The following ITCH variants were observed in gnomAD, a reference collection of about 807,000 sequenced individuals.
The protein encoded by ITCH is E3 ubiquitin-protein ligase Itchy homolog.
A neutral mutation model predicts 126.8 loss-of-function variants in ITCH; 28 were observed. That is an observed-to-expected ratio of 0.22 (90% confidence interval 0.16 to 0.30). The LOEUF (loss-of-function observed/expected upper bound fraction) is 0.30, where lower values mean the gene tolerates loss of function less well. ITCH is among the 10% of genes least tolerant of loss of function. ITCH has a pLI of 1.00. For missense variants in ITCH, 631 were observed against 1,032.4 expected, an observed-to-expected ratio of 0.61 and a Z score of 5.33; for synonymous variants, 342 against 340.0, an observed-to-expected ratio of 1.01 and a Z score of -0.06.
intron 2 of ITCH, among the ~76,000 whole-genome samples, chr20:34,370,314 A>G (rs1307066373): frequency 6.6e-6 from 1 of 152,056 alleles, no homozygotes; most frequent in African/African-American, 2.4e-5. Context: ...GTGTGGATCA[A>G]ATAAAATAAT....
At chr20:34,402,997 T>A (rs767488189) in intron 3 of ITCH, among the ~76,000 whole-genome samples, 2 of 152,126 alleles carry the variant, frequency 1.3e-5, no homozygotes, top group Non-Finnish European at 2.9e-5. Context: ...ACCAAAAAGA[T>A]CCCTTATACT....
At chr20:34,442,842 G>A (rs759606860) in intron 10 of ITCH, among the ~76,000 whole-genome samples, 1 of 151,424 alleles carries the variant, frequency 6.6e-6, no homozygotes, top group Non-Finnish European at 1.5e-5. Flanking sequence ...CAGGCATGGT[G>A]GCGGGCACCT....
chr20:34,466,705 A>C (rs1415781818), intron 14 of ITCH, among the ~76,000 whole-genome samples: 1 of 152,212 alleles, frequency 6.6e-6, no homozygotes, highest in Non-Finnish European at 1.5e-5. Flanking sequence ...TTGCTCAAAA[A>C]AGAAGTTACA....
chr20:34,433,387 A>G (rs1982585544), intron 7 of ITCH, among the ~76,000 whole-genome samples: 1 of 152,242 alleles, frequency 6.6e-6, no homozygotes, highest in Admixed American at 6.5e-5. Context: ...TCTAAAAGAA[A>G]TAAGAAATCC....
intron 16 of ITCH, chr20:34,476,407 C>A: frequency 8.1e-7 from 1 of 1,237,742 alleles, no homozygotes; most frequent in South Asian, 3.6e-5. Context: ...GTGCAGCCAC[C>A]GGCCGGCCGG....
chr20:34,424,203 A>G (rs978248764), intron 6 of ITCH, among the ~76,000 whole-genome samples: 4 of 152,220 alleles, frequency 2.6e-5, no homozygotes, highest in African/African-American at 9.6e-5. Flanking sequence ...ATTTCAAAAA[A>G]AAGGCAGGAA....
chr20:34,378,330 G>A (rs1371279164), intron 2 of ITCH, among the ~76,000 whole-genome samples: 4 of 151,820 alleles, frequency 2.6e-5, no homozygotes, highest in South Asian at 2.1e-4. Context: ...AAAATTAGCC[G>A]GGTGGGGTGG....
intron 2 of ITCH, among the ~76,000 whole-genome samples, chr20:34,370,063 C>T (rs1342685630): frequency 2.0e-5 from 3 of 150,330 alleles, no homozygotes; most frequent in South Asian, 2.1e-4. Flanking sequence ...ATGATCACGC[C>T]ACTGCACTCC....
At chr20:34,501,568 G>A (rs1371230242) in intron 23 of ITCH, among the ~76,000 whole-genome samples, 2 of 152,180 alleles carry the variant, frequency 1.3e-5, no homozygotes, top group East Asian at 3.9e-4. Context: ...CTGAGGTTGG[G>A]AGTTCGAGAC....
intron 12 of ITCH, among the ~76,000 whole-genome samples, chr20:34,453,935 A>G (rs991304729): frequency 6.6e-6 from 1 of 151,698 alleles, no homozygotes; most frequent in African/African-American, 2.4e-5. Flanking sequence ...TCGAGGCTGC[A>G]GTGAGCTGAG....
chr20:34,471,346 G>C (rs1987602055), intron 15 of ITCH, 98 bp from the exon 16 acceptor site: 1 of 743,972 alleles, frequency 1.3e-6, no homozygotes, highest in African/African-American at 1.7e-5. Flanking sequence ...ACTTGTTTCT[G>C]TAAGGAAAGA....
At chr20:34,497,694 T>C (rs1353685151) in intron 23 of ITCH, among the ~76,000 whole-genome samples, 3 of 152,236 alleles carry the variant, frequency 2.0e-5, no homozygotes, top group Non-Finnish European at 4.4e-5. Flanking sequence ...TTCTTGTGCC[T>C]CAGCCTCCCA....
chr20:34,438,749 AT>A (rs1199420510), intron 8 of ITCH, 118 bp downstream of exon 8: 12 of 1,331,542 alleles, frequency 9.0e-6, no homozygotes, highest in African/African-American at 1.5e-5. Context: ...TACATTTAAG[AT>A]TTTGGAAAAG....
chr20:34,486,748 AG>A (rs1413255104), intron 20 of ITCH, among the ~76,000 whole-genome samples: 2 of 151,372 alleles, frequency 1.3e-5, no homozygotes, highest in Non-Finnish European at 2.9e-5. Context: ...CCCAGGCTGG[AG>A]TGCAGTGGTG....
At chr20:34,369,728 A>G (rs1367836705) in intron 2 of ITCH, among the ~76,000 whole-genome samples, 3 of 152,020 alleles carry the variant, frequency 2.0e-5, no homozygotes, top group Non-Finnish European at 2.9e-5. Context: ...TACTTTTTCT[A>G]TTTGTGTTGT....
chr20:34,382,715 C>T (rs959849670), intron 2 of ITCH, among the ~76,000 whole-genome samples: 1 of 134,512 alleles, frequency 7.4e-6, no homozygotes, highest in South Asian at 2.4e-4. Flanking sequence ...GCCAATAATT[C>T]TTTTTATTAT....
chr20:34,378,023 C>CTTT (rs78903106), intron 2 of ITCH, among the ~76,000 whole-genome samples: 9 of 144,362 alleles, frequency 6.2e-5, no homozygotes, highest in Admixed American at 1.4e-4. Flanking sequence ...TCTCATGAAA[C>CTTT]TTTTTTTTTT....
chr20:34,409,085 A>G (rs1455195601), intron 4 of ITCH, among the ~76,000 whole-genome samples: 1 of 142,732 alleles, frequency 7.0e-6, no homozygotes, highest in East Asian at 2.0e-4. Flanking sequence ...ACCTAAAAAG[A>G]TTTCTGGCAG....
chr20:34,379,637 C>T (rs1343023721), intron 2 of ITCH, among the ~76,000 whole-genome samples: 1 of 149,754 alleles, frequency 6.7e-6, no homozygotes, highest in Non-Finnish European at 1.5e-5. Context: ...CTCTGTCACC[C>T]AGGCTGGAGT....
Sources: gnomAD v4.1 joint callset for allele counts (sites outside exome capture counted in the v4.1 genomes callset) on GRCh38, gnomAD v4.1.1 for gene constraint, MANE v1.5 for transcripts, NCBI Gene and HGNC (gene_info 2026-07-23, HGNC 2026-07-21) for gene names.